The following ERG variants were observed in gnomAD, a reference collection of about 807,000 sequenced individuals.
ERG encodes ETS transcription factor ERG.
ERG carries 9 observed loss-of-function variants against 55.3 expected under a neutral mutation model. The observed-to-expected ratio is 0.16, with a 90% CI of 0.10 to 0.28. ERG has a LOEUF of 0.28. ERG is among the 10% of genes least tolerant of loss of function. The pLI is 1.00. For missense variants in ERG, 434 were observed against 631.6 expected, an observed-to-expected ratio of 0.69 and a Z score of 3.35; for synonymous variants, 223 against 237.3, an observed-to-expected ratio of 0.94 and a Z score of 0.55.
chr21:38,584,787 T>G (rs1463522588), intron 1 of ERG: 1 of 151,990 alleles, frequency 6.6e-6, no homozygotes, highest in African/African-American at 2.4e-5. Flanking sequence ...TATCCACATT[T>G]TTTAAAAGGG....
intron 1 of ERG, among the ~76,000 whole-genome samples, chr21:38,620,770 CA>C (rs2060285498): frequency 6.6e-6 from 1 of 152,184 alleles, no homozygotes; most frequent in African/African-American, 2.4e-5. Flanking sequence ...TCCCAGTACA[CA>C]AGTGTGGTGG....
At chr21:38,445,708 C>T (rs561696546) in intron 1 of ERG, 87 bp from the exon 2 acceptor site, 2 of 1,006,566 alleles carry the variant, frequency 2.0e-6, no homozygotes, top group African/African-American at 3.2e-5. Context: ...TCCTTTCTAA[C>T]TGGGACCACA....
chr21:38,582,307 C>T lies in ERG; in HGVS notation c.-127+2537G>A, dbSNP rs117462888. Among the ~76,000 whole-genome samples the T allele has an allele frequency of 2.5e-3, 385 of 152,248 alleles. 2 individuals are homozygous for T. The highest frequency in any genetic ancestry group is 8.5e-3 in the African/African-American group (353 of 41,536). ...TTGTAACTGGCATCTGAAGTGAGGA[C>T]GGTGTTGGGGAGCTCAGCCCTTAAA... is the stretch of plus-strand genomic sequence containing the variant. On this transcript the variant is annotated intron_variant, in intron 1 of 8. Transcript: ENST00000398897.
chr21:38,438,517 C>T lies in ERG; in HGVS notation c.236+6887G>A, dbSNP rs150209173. ...ACTTTTTCTCATCTCCATCACATGA[C>T]AAATGGCATGTTTTTTAAATAACAT... is the stretch of plus-strand genomic sequence containing the variant. On this transcript the variant is annotated intron_variant, in intron 2 of 9. Transcript: ENST00000288319. Among the ~76,000 whole-genome samples the T allele has an allele frequency of 4.3e-4, 65 of 152,320 alleles. 1 individual carries two copies. The East Asian group carries it at 0.01, about 24-fold the overall frequency.
chr21:38,602,938 A>G (rs548870327), intron 1 of ERG, among the ~76,000 whole-genome samples: 132 of 152,096 alleles, frequency 8.7e-4, no homozygotes, highest in African/African-American at 7.0e-4. Context: ...GTTGAGCTTC[A>G]TGCCTCAACT....
chr21:38,655,282 T>C (rs550361989), intron 1 of ERG, among the ~76,000 whole-genome samples: 1 of 152,244 alleles, frequency 6.6e-6, no homozygotes, highest in African/African-American at 2.4e-5. Context: ...CTCTGAACCC[T>C]GAGACCCCCG....
intron 2 of ERG, among the ~76,000 whole-genome samples, chr21:38,562,967 T>A (rs907135055): frequency 2.0e-5 from 3 of 152,156 alleles, no homozygotes; most frequent in African/African-American, 7.2e-5. Flanking sequence ...TACTAAGCCA[T>A]GAAAAGACGA....
Position 38,498,458 on chromosome 21 carries a change from T to C in ERG, c.-78A>G. The C allele has an allele frequency of 6.3e-7, 1 of 1,579,906 alleles. No homozygotes were observed. The highest frequency in any genetic ancestry group is 1.2e-5 in the South Asian group (1 of 84,906). On this transcript the variant is annotated 5_prime_UTR_variant, in exon 1 of 10. Coordinates refer to ENST00000288319, the MANE Select transcript of ERG (RefSeq NM_182918.4). This position sits in a 1 kb window ranked among gnomAD's most constrained non-coding sequence, Gnocchi z 4.6. ...CTCTCTGACCAGAAAGTAGTTTTGATGAGGTTGTTTAGAGCGGATGAGATT... is the reference window on the plus strand; with the variant it reads ...CTCTCTGACCAGAAAGTAGTTTTGACGAGGTTGTTTAGAGCGGATGAGATT...
intron 1 of ERG, among the ~76,000 whole-genome samples, chr21:38,612,761 T>TCAGGCGATTCTCCTGCCTC (rs1354809953): frequency 1.3e-5 from 2 of 151,922 alleles, no homozygotes; most frequent in Non-Finnish European, 2.9e-5. Context: ...CCTCCTGGGT[T>TCAGGCGATTCTCCTGCCTC]CAGGCGATTC....
intron 2 of ERG, among the ~76,000 whole-genome samples, chr21:38,430,704 G>T (rs1235444026): frequency 1.3e-5 from 2 of 152,202 alleles, no homozygotes; most frequent in East Asian, 3.8e-4. Context: ...CCCAATGGCT[G>T]GGATATTAAA....
At chr21:38,639,304 T>C (rs748639306) in intron 1 of ERG, among the ~76,000 whole-genome samples, 52 of 151,658 alleles carry the variant, frequency 3.4e-4, no homozygotes, top group Middle Eastern at 6.8e-3. Context: ...GCATTAGAAA[T>C]GATGACCAAA....
chr21:38,517,479 A>C (rs2059560731), intron 2 of ERG, among the ~76,000 whole-genome samples: 1 of 152,102 alleles, frequency 6.6e-6, no homozygotes, highest in South Asian at 2.1e-4. Context: ...GCCAGAATGC[A>C]GAGAAAAGGG....
chr21:38,425,062 G>A (rs935893502), intron 2 of ERG, among the ~76,000 whole-genome samples: 5 of 152,164 alleles, frequency 3.3e-5, no homozygotes, highest in African/African-American at 7.2e-5. Flanking sequence ...TGGTGAAATC[G>A]CATCTGATAG....
intron 1 of ERG, among the ~76,000 whole-genome samples, chr21:38,465,822 T>C (rs2059083758): frequency 1.3e-5 from 2 of 152,242 alleles, no homozygotes; most frequent in Admixed American, 6.5e-5. Context: ...TCTCCGATAC[T>C]GAATATGTCA....
intron 1 of ERG, among the ~76,000 whole-genome samples, chr21:38,472,595 C>G (rs1017901330): frequency 6.6e-6 from 1 of 152,164 alleles, no homozygotes; most frequent in Admixed American, 6.5e-5. Flanking sequence ...TGGTTACCCC[C>G]GCTGAGCTCA....
chr21:38,616,931 T>TA (rs1459751412), intron 1 of ERG, among the ~76,000 whole-genome samples: 4 of 152,204 alleles, frequency 2.6e-5, no homozygotes, highest in African/African-American at 9.6e-5. Flanking sequence ...TCCCTGGAGA[T>TA]TCCCAAAGTA....
chr21:38,654,700 C>T (rs1272151136), intron 1 of ERG, among the ~76,000 whole-genome samples: 1 of 152,126 alleles, frequency 6.6e-6, no homozygotes, highest in Non-Finnish European at 1.5e-5. Flanking sequence ...GTTTTACTGT[C>T]GGGGTCAAAT....
chr21:38,450,478 G>C (rs1357603103), intron 1 of ERG, among the ~76,000 whole-genome samples: 1 of 152,200 alleles, frequency 6.6e-6, no homozygotes, highest in East Asian at 1.9e-4. Flanking sequence ...TAGGAAGCCA[G>C]CATCATCTTC....
At chr21:38,517,807 A>T (rs1430425729) in intron 2 of ERG, among the ~76,000 whole-genome samples, 1 of 152,162 alleles carries the variant, frequency 6.6e-6, no homozygotes, top group African/African-American at 2.4e-5. Context: ...CACTTGCAGC[A>T]ACATGGATGG....
Sources: gnomAD v4.1 joint callset for allele counts (sites outside exome capture counted in the v4.1 genomes callset) on GRCh38, gnomAD v4.1.1 for gene constraint, Gnocchi (gnomAD v3.1) non-coding constraint, MANE v1.5 for transcripts, NCBI Gene and HGNC (gene_info 2026-07-23, HGNC 2026-07-21) for gene names.